EGFR: variants seen among roughly 807,000 people sequenced by gnomAD.
EGFR encodes avian erythroblastic leukemia viral (v-erb-b) oncogene homolog.
A neutral mutation model predicts 143.0 loss-of-function variants in EGFR; 58 were observed. That is an observed-to-expected ratio of 0.41 (90% confidence interval 0.33 to 0.50). EGFR has a LOEUF of 0.50. EGFR is among the 20% of genes least tolerant of loss of function. EGFR has a pLI of 0.39. For synonymous variants in EGFR, 613 were observed against 594.4 expected (o/e 1.03, Z -0.45); for missense variants, 1,307 against 1,579.0 (o/e 0.83, Z 2.92).
intron 1 of EGFR, among the ~76,000 whole-genome samples, chr7:55,066,840 C>G (rs772232741): frequency 1.3e-5 from 2 of 152,190 alleles, no homozygotes; most frequent in African/African-American, 4.8e-5. Context: ...GTGCATTTCT[C>G]AAGCTTGACA....
At position 55,127,154 on chromosome 7, in the gene EGFR, A is replaced by AT. The variant is rs201564286; in HGVS notation, c.89-15127dup. The stretch of plus-strand genomic sequence containing the variant: ...TATTTCTTTTGCAAATTGAGCTAGC[A>AT]TTTTTGATGAGTGGCAGGGCTCTGC... On this transcript the variant is annotated intron_variant, in intron 1 of 27. Transcript: ENST00000275493. Among the ~76,000 whole-genome samples the AT allele has an allele frequency of 9.2e-3, 1,407 of 152,300 alleles. 10 individuals carry two copies. The highest frequency in any genetic ancestry group is 0.031 in the South Asian group (148 of 4,820).
At position 55,143,301 on chromosome 7, in the gene EGFR, T is replaced by C. The variant is rs760260689; in HGVS notation, c.241-4T>C. ...AATCACGCATTTATGTTTTCTCTTC[T>C]TAGACCATCCAGGAGGTGGCTGGTT... On this transcript the variant is annotated splice_region_variant and splice_polypyrimidine_tract_variant and intron_variant, in intron 2 of 27. Transcript: ENST00000275493. 1 of 1,614,198 alleles carries C rather than the reference T, an allele frequency of 6.2e-7. No homozygotes were observed. The highest frequency in any genetic ancestry group is 1.3e-5 in the African/African-American group (1 of 75,054).
At chr7:55,087,525 G>A (rs953355650) in intron 1 of EGFR, among the ~76,000 whole-genome samples, 25 of 152,198 alleles carry the variant, frequency 1.6e-4, no homozygotes, top group Admixed American at 1.3e-3. Flanking sequence ...TGGGTTGTGT[G>A]TAAAATGTTT....
chr7:55,048,209 A>G (rs532883236), intron 1 of EGFR, among the ~76,000 whole-genome samples: 58 of 152,318 alleles, frequency 3.8e-4, no homozygotes, highest in African/African-American at 1.3e-3. Flanking sequence ...AGGGATATTT[A>G]TAAGAATATC....
chr7:55,179,484 G>T (rs1198202052), intron 19 of EGFR, among the ~76,000 whole-genome samples: 1 of 152,216 alleles, frequency 6.6e-6, no homozygotes, highest in Non-Finnish European at 1.5e-5. Flanking sequence ...GAGGAGGTGG[G>T]TTCTGGGGAC....
intron 1 of EGFR, among the ~76,000 whole-genome samples, chr7:55,021,103 G>A (rs1786541700): frequency 6.6e-6 from 1 of 152,126 alleles, no homozygotes; most frequent in Non-Finnish European, 1.5e-5. Flanking sequence ...GAGGACATCT[G>A]GAATTGTTAC....
chr7:55,191,509 C>A (rs543046978), intron 20 of EGFR, among the ~76,000 whole-genome samples: 1 of 152,310 alleles, frequency 6.6e-6, no homozygotes, highest in African/African-American at 2.4e-5. Flanking sequence ...ACTTGAGGAA[C>A]TGGATGGAGA....
chr7:55,119,656 G>T (rs1323963548), intron 1 of EGFR, among the ~76,000 whole-genome samples: 1 of 152,304 alleles, frequency 6.6e-6, no homozygotes, highest in African/African-American at 2.4e-5. Flanking sequence ...GATTCCCCTC[G>T]CTCTGGCGTG....
intron 1 of EGFR, among the ~76,000 whole-genome samples, chr7:55,107,910 T>A (rs62459761): frequency 0.13 from 19,763 of 152,264 alleles, 1,617 homozygotes; most frequent in Middle Eastern, 0.21. Flanking sequence ...TACTATACTA[T>A]GTATAAAAAT....
chr7:55,100,750 G>A (rs960255806), intron 1 of EGFR, among the ~76,000 whole-genome samples: 24 of 152,190 alleles, frequency 1.6e-4, no homozygotes, highest in Non-Finnish European at 2.5e-4. Flanking sequence ...TGAGCCACTC[G>A]GAGGCTCTAT....
intron 1 of EGFR, among the ~76,000 whole-genome samples, chr7:55,103,160 C>T (rs1791922805): frequency 6.6e-6 from 1 of 152,242 alleles, no homozygotes; most frequent in Middle Eastern, 3.4e-3. Flanking sequence ...GAGCTGCTTC[C>T]GAATGTCCTC....
At chr7:55,199,163 G>A (rs1248208881) in intron 23 of EGFR, among the ~76,000 whole-genome samples, 1 of 152,206 alleles carries the variant, frequency 6.6e-6, no homozygotes, top group Non-Finnish European at 1.5e-5. Flanking sequence ...GAAATACCGA[G>A]TTGCCCTATA....
rs1205623045 is a variant in EGFR at position 55,075,957 on chromosome 7, C to T, written c.88+56592C>T. Among the ~76,000 whole-genome samples, 3 of 152,194 alleles carry T rather than the reference C, an allele frequency of 2.0e-5. No homozygotes were observed. In the East Asian group the frequency reaches 5.8e-4, roughly 29 times the overall value. On this transcript the variant is annotated intron_variant, in intron 1 of 27. Transcript: ENST00000275493. Reference sequence around the variant, plus strand: ...TACAAAGAGACAAGCAAGCACATCGCGTGGAAATTTCCATTCAACTGGAAA... The same window carrying T: ...TACAAAGAGACAAGCAAGCACATCGTGTGGAAATTTCCATTCAACTGGAAA...
At chr7:55,154,711 C>T (rs1426176955) in intron 7 of EGFR, among the ~76,000 whole-genome samples, 1 of 152,236 alleles carries the variant, frequency 6.6e-6, no homozygotes, top group East Asian at 1.9e-4. Context: ...TACATTTGTA[C>T]TGGTGGCTCC....
At chr7:55,022,077 C>T (rs577668025) in intron 1 of EGFR, among the ~76,000 whole-genome samples, 28 of 152,272 alleles carry the variant, frequency 1.8e-4, no homozygotes, top group African/African-American at 6.3e-4. Flanking sequence ...AGCTTCAACG[C>T]GGGCTGTCCG....
intron 1 of EGFR, among the ~76,000 whole-genome samples, chr7:55,070,265 A>G (rs1037991255): frequency 1.3e-5 from 2 of 152,144 alleles, no homozygotes; most frequent in Non-Finnish European, 2.9e-5. Flanking sequence ...TCAGGGCACA[A>G]TACTTCTCTT....
chr7:55,125,535 G>A (rs1793473083), intron 1 of EGFR, among the ~76,000 whole-genome samples: 1 of 152,198 alleles, frequency 6.6e-6, no homozygotes, highest in Admixed American at 6.5e-5. Context: ...ACCTAGGGAT[G>A]ATATTTCTTT....
intron 1 of EGFR, among the ~76,000 whole-genome samples, chr7:55,134,819 T>C (rs562880346): frequency 1.4e-4 from 21 of 152,330 alleles, no homozygotes; most frequent in Admixed American, 5.9e-4. Context: ...AGTGTCATGC[T>C]CCATATTTAG....
chr7:55,123,798 T>A (rs990991451), intron 1 of EGFR, among the ~76,000 whole-genome samples: 2 of 152,062 alleles, frequency 1.3e-5, no homozygotes, highest in Non-Finnish European at 2.9e-5. Flanking sequence ...AGCAGCAGGT[T>A]TTTCTTAACT....
Sources: gnomAD v4.1 joint callset for allele counts (sites outside exome capture counted in the v4.1 genomes callset) on GRCh38, gnomAD v4.1.1 for gene constraint, MANE v1.5 for transcripts, NCBI Gene and HGNC (gene_info 2026-07-23, HGNC 2026-07-21) for gene names.